ZFYVE26: variants seen among roughly 807,000 people sequenced by gnomAD.
ZFYVE26 encodes zinc finger FYVE domain-containing protein 26.
ZFYVE26 carries 181 observed loss-of-function variants against 276.5 expected under a neutral mutation model. That is an observed-to-expected ratio of 0.65 (90% CI 0.58 to 0.74). ZFYVE26 has a LOEUF of 0.74. ZFYVE26 is among the 30% of genes least tolerant of loss of function. ZFYVE26 has a pLI of 0.00. For synonymous variants in ZFYVE26, 1,129 were observed against 1,203.1 expected, an observed-to-expected ratio of 0.94 and a Z score of 1.27; for missense variants, 2,821 against 3,097.9, an observed-to-expected ratio of 0.91 and a Z score of 2.12.
rs1428608501 is a variant in ZFYVE26 at position 67,733,802 on chromosome 14, G to A, written n.2680-3983C>T. 14 of 1,613,334 alleles carry A rather than the reference G, an allele frequency of 8.7e-6. No individual in the cohort carries two copies. Among genetic ancestry groups the A allele is most frequent in the Non-Finnish European group, 1.1e-5 (13 of 1,179,572 alleles). The stretch of plus-strand genomic sequence containing the variant: ...GCCCGAAATAACAAAACAGCTGAGC[G>A]CCTATGGAATGTCAGCTGTGAGCTT... On this transcript the variant is annotated intron_variant and non_coding_transcript_variant, in intron 13 of 14. Coordinates refer to the ZFYVE26 transcript ENST00000394455.
chr14:67,743,445 C>G (rs2038442655), downstream of ZFYVE26, among the ~76,000 whole-genome samples: 1 of 151,764 alleles, frequency 6.6e-6, no homozygotes, highest in Non-Finnish European at 1.5e-5. Context: ...GAGCTGTGAT[C>G]ACACCACTGC....
intron 40 of ZFYVE26, chr14:67,751,309 A>G: frequency 3.2e-6 from 2 of 621,734 alleles, no homozygotes; most frequent in Non-Finnish European, 2.9e-6. Flanking sequence ...TAGCAAAGGA[A>G]TTTTAACCTG....
downstream of ZFYVE26, among the ~76,000 whole-genome samples, chr14:67,745,996 C>T (rs188602279): frequency 2.6e-4 from 36 of 140,676 alleles, no homozygotes; most frequent in East Asian, 2.3e-3. Context: ...TTTCACCCAT[C>T]GGACTAGCAT....
intron 29 of ZFYVE26, among the ~76,000 whole-genome samples, chr14:67,768,971 T>C (rs188282868): frequency 1.3e-4 from 20 of 152,356 alleles, no homozygotes; most frequent in African/African-American, 4.8e-4. Context: ...ATGGTTGCTT[T>C]GGCCCATATT....
chr14:67,761,959 A>G (rs1471030025), intron 34 of ZFYVE26: 2 of 579,214 alleles, frequency 3.5e-6, no homozygotes, highest in African/African-American at 1.9e-5. Flanking sequence ...ATTATATGTC[A>G]TATGTCATTT....
At chr14:67,752,319 C>T (rs747353233) in intron 40 of ZFYVE26, 25 bp downstream of exon 40, 2 of 1,598,594 alleles carry the variant, frequency 1.3e-6, no homozygotes, top group African/African-American at 1.3e-5. Context: ...GATGGAGGAG[C>T]CAAGAGGTAC....
At chr14:67,737,911 A>G (rs1203151342) in intron 13 of ZFYVE26, among the ~76,000 whole-genome samples, 1 of 152,124 alleles carries the variant, frequency 6.6e-6, no homozygotes, top group African/African-American at 2.4e-5. Flanking sequence ...AAGACACAGA[A>G]CCCAACAGAG....
chr14:67,768,592 A>G (rs2039121306), intron 29 of ZFYVE26, 44 bp from the exon 30 acceptor site: 1 of 1,603,460 alleles, frequency 6.2e-7, no homozygotes, highest in African/African-American at 1.3e-5. Context: ...TGCCTGAGTC[A>G]CTTCTTTGTT....
At chr14:67,751,877 C>A (rs1270401639) in intron 40 of ZFYVE26, among the ~76,000 whole-genome samples, 1 of 151,284 alleles carries the variant, frequency 6.6e-6, no homozygotes, top group Non-Finnish European at 1.5e-5. Flanking sequence ...AAAAAAAGAA[C>A]AAGAAAGAAA....
In ZFYVE26 at chr14:67,766,342, T is replaced by C. The variant is rs750262889; in HGVS notation, c.5896A>G (p.Thr1966Ala). Residue 1966 changes from threonine to alanine, a missense_variant, in exon 32 of 42, where the codon ACC becomes GCC. Physicochemically the swap from Thr to Ala is moderately conservative, Grantham distance 58 (BLOSUM62 0). Coordinates refer to ENST00000347230, the MANE Select transcript of ZFYVE26 (RefSeq NM_015346.4). ...AGCCCGGCATCCACCTCTGGGTTGGTGAGGCCCTTGGAGAGCCTGCAGCAG... is the reference window on the plus strand; with the variant it reads ...AGCCCGGCATCCACCTCTGGGTTGGCGAGGCCCTTGGAGAGCCTGCAGCAG... Reference protein sequence around the residue: ...EHCCRLSKGLTNPEVDAGLLT... With the variant: ...EHCCRLSKGLANPEVDAGLLT... 3 of 1,613,340 alleles carry C rather than the reference T, an allele frequency of 1.9e-6. No individual in the cohort carries two copies. Among genetic ancestry groups the C allele is most frequent in the Non-Finnish European group, 2.5e-6 (3 of 1,180,026 alleles).
At chr14:67,775,835 C>A (rs748040250) in intron 26 of ZFYVE26, 25 bp downstream of exon 26, 3 of 1,614,016 alleles carry the variant, frequency 1.9e-6, no homozygotes, top group Non-Finnish European at 2.5e-6. Context: ...CATGTAGAAT[C>A]CCCTTCTAGG....
chr14:67,783,556 G>T, intron 20 of ZFYVE26, 31 bp from the exon 21 acceptor site: 14 of 1,608,152 alleles, frequency 8.7e-6, no homozygotes, highest in Non-Finnish European at 1.2e-5. Context: ...AGCATACAAG[G>T]CCTGAATACA....
At position 67,790,792 on chromosome 14, in the gene ZFYVE26, T is replaced by C. The variant is rs928505598; in HGVS notation, c.2554-19A>G. The C allele has an allele frequency of 2.5e-6, 4 of 1,611,148 alleles. No individual in the cohort carries two copies. The highest frequency in any genetic ancestry group is 3.4e-6 in the Non-Finnish European group (4 of 1,177,576). ...ACAGCACCTGTCATAGGAGAGGGAG[T>C]GTGTGGGCCCTGGTGGTCCCACTGA... On this transcript the variant is annotated intron_variant, in intron 14 of 41. Transcript: ENST00000347230.
At chr14:67,769,538 C>T in intron 29 of ZFYVE26, 56 bp downstream of exon 29, 3 of 1,607,822 alleles carry the variant, frequency 1.9e-6, no homozygotes, top group South Asian at 1.1e-5. Context: ...AGTGTAGGGA[C>T]CTGCGGAAGG....
In ZFYVE26 at chr14:67,782,823, C is replaced by T. The variant is rs2039536862; in HGVS notation, c.4329G>A (p.Leu1443=). Residue 1443 remains leucine (L), a synonymous_variant, in exon 21 of 42, where the codon TTG becomes TTA. Coordinates refer to ENST00000347230, the MANE Select transcript of ZFYVE26 (RefSeq NM_015346.4). The part of the protein sequence containing the change: ...TEVYGRDVDD[L]SSIKDAVLSC... The stretch of plus-strand genomic sequence containing the variant: ...TCAGGACTGCATCCTTTATGCTGCT[C>T]AAATCGTCCACATCTCGCCCGTACA... 2 of 1,614,236 alleles carry T rather than the reference C, an allele frequency of 1.2e-6. No homozygotes were observed. Among genetic ancestry groups the T allele is most frequent in the African/African-American group, 2.7e-5 (2 of 75,060 alleles).
At position 67,792,877 on chromosome 14, in the gene ZFYVE26, A is replaced by T. The variant is rs188626395; in HGVS notation, c.2553+731T>A. ...CAGTGAGCTGGGATCGCGCCACTGC[A>T]CTCCAGCAGCCTGGGTGACAAAAGC... On this transcript the variant is annotated intron_variant, in intron 14 of 41. Coordinates refer to ENST00000347230, the MANE Select transcript of ZFYVE26 (RefSeq NM_015346.4). Among the ~76,000 whole-genome samples, 254 of 131,290 alleles carry T rather than the reference A, an allele frequency of 1.9e-3. 1 individual carries two copies. Among genetic ancestry groups the T allele is most frequent in the African/African-American group, 6.5e-3 (228 of 34,972 alleles). 86.1% of individuals were successfully genotyped at this position (131,290 alleles called of 152,430 possible).
At chr14:67,732,051 T>C (rs2038283574) in intron 13 of ZFYVE26, among the ~76,000 whole-genome samples, 3 of 144,228 alleles carry the variant, frequency 2.1e-5, no homozygotes, top group African/African-American at 7.8e-5. Context: ...CACTTGAACC[T>C]GGGAGGCGGA....
rs1257614675 is a variant in ZFYVE26 at position 67,784,562 on chromosome 14, T to A, written c.3524-126A>T. The A allele has an allele frequency of 6.0e-6, 5 of 835,812 alleles. No homozygotes were observed. The East Asian group carries it at 1.3e-4, about 21-fold the overall frequency. 51.8% of individuals were successfully genotyped at this position (835,812 alleles called of 1,614,324 possible). ...GACAATATGGAGAGCCTTCTGTTAA[T>A]TCATTCTAGGTAAAGGGTATTCTCA... On this transcript the variant is annotated intron_variant, in intron 19 of 41. Coordinates refer to ENST00000347230, the MANE Select transcript of ZFYVE26 (RefSeq NM_015346.4).
downstream of ZFYVE26, among the ~76,000 whole-genome samples, chr14:67,745,336 AT>A (rs1428174526): frequency 1.3e-5 from 2 of 152,166 alleles, no homozygotes; most frequent in Non-Finnish European, 2.9e-5. Flanking sequence ...ATTTAAAAAA[AT>A]CTCTCCCATT....
Sources: allele counts gnomAD v4.1 joint callset (sites outside exome capture counted in the v4.1 genomes callset), GRCh38; gene constraint gnomAD v4.1.1; transcripts MANE v1.5; gene names NCBI Gene and HGNC (gene_info 2026-07-23, HGNC 2026-07-21).